The following PFKFB3 variants were observed in gnomAD, a reference collection of about 807,000 sequenced individuals.
PFKFB3 encodes 6-phosphofructo-2-kinase/fructose-2,6-biphosphatase 3.
PFKFB3 carries 33 observed loss-of-function variants against 68.0 expected under a neutral mutation model. The observed-to-expected ratio is 0.49, with a 90% CI of 0.37 to 0.65. PFKFB3 has a LOEUF of 0.65. Among genes scored for constraint, PFKFB3 ranks in the 30% least tolerant of loss-of-function variants. The pLI is 0.00. For missense variants in PFKFB3, 586 were observed against 712.2 expected (o/e 0.82, Z 2.02); for synonymous variants, 315 against 288.2 (o/e 1.09, Z -0.94).
chr10:6,191,718 C>T (rs372736060), intron 1 of PFKFB3, among the ~76,000 whole-genome samples: 1 of 152,212 alleles, frequency 6.6e-6, no homozygotes, highest in South Asian at 2.1e-4. Flanking sequence ...CTCTGGCCCA[C>T]CGCTGTCCAC....
the PFKFB3 span, among the ~76,000 whole-genome samples, chr10:6,273,446 C>T: frequency 2.6e-5 from 4 of 152,066 alleles, no homozygotes; most frequent in Non-Finnish European, 5.9e-5. Context: ...CGGCCCTTTA[C>T]AGTGTATAAA....
At chr10:6,165,425 C>CA (rs1224663081) in intron 1 of PFKFB3, among the ~76,000 whole-genome samples, 2 of 152,186 alleles carry the variant, frequency 1.3e-5, no homozygotes, top group East Asian at 3.8e-4. Context: ...TCTGCATAGA[C>CA]ACAGTAACAA....
chr10:6,315,845 C>G, the PFKFB3 span, among the ~76,000 whole-genome samples: 1 of 152,208 alleles, frequency 6.6e-6, no homozygotes, highest in South Asian at 2.1e-4. Context: ...ATAGGTGATA[C>G]TACATAATAC....
the PFKFB3 span, among the ~76,000 whole-genome samples, chr10:6,297,919 TG>T: frequency 2.5e-4 from 38 of 152,172 alleles, no homozygotes; most frequent in African/African-American, 8.7e-4. Context: ...GATGACTTCC[TG>T]GGGGTATCAG....
chr10:6,229,397 C>T lies in PFKFB3; in HGVS notation c.1515+3032C>T, dbSNP rs1031719388. 5.3e-5 allele frequency among the ~76,000 whole-genome samples: 8 copies of T among 152,210 alleles called. No individual in the cohort carries two copies. The highest frequency in any genetic ancestry group is 1.9e-4 in the African/African-American group (8 of 41,470). On this transcript the variant is annotated intron_variant, in intron 14 of 14. Coordinates refer to ENST00000379775, the MANE Select transcript of PFKFB3 (RefSeq NM_004566.4). This position sits in a 1 kb window ranked among gnomAD's most constrained non-coding sequence, Gnocchi z 4.3. The stretch of plus-strand genomic sequence containing the variant: ...AGGCCCCTTGCTTCAGAAAGCCGGC[C>T]GCCTCCTCTCTGCGGCTTCTGGGAG...
intron 1 of PFKFB3, among the ~76,000 whole-genome samples, chr10:6,178,393 C>G (rs944481786): frequency 1.3e-5 from 2 of 152,152 alleles, no homozygotes; most frequent in African/African-American, 4.8e-5. Flanking sequence ...AACAAGAGAA[C>G]AGCGAAGGAG....
intron 1 of PFKFB3, among the ~76,000 whole-genome samples, chr10:6,178,511 T>A (rs1842599251): frequency 6.6e-6 from 1 of 152,062 alleles, no homozygotes; most frequent in Non-Finnish European, 1.5e-5. Context: ...CAGAGGGGAC[T>A]TGGGTCAGGG....
intron 1 of PFKFB3, among the ~76,000 whole-genome samples, chr10:6,187,723 A>G (rs1842909304): frequency 6.6e-6 from 1 of 152,206 alleles, no homozygotes; most frequent in African/African-American, 2.4e-5. Flanking sequence ...TTTGCTCAGA[A>G]GTGTGCACCT....
chr10:6,314,166 A>G, the PFKFB3 span, among the ~76,000 whole-genome samples: 1 of 152,278 alleles, frequency 6.6e-6, no homozygotes, highest in Non-Finnish European at 1.5e-5. Context: ...AATAATCTAG[A>G]AGCAAAAAGG....
intron 1 of PFKFB3, among the ~76,000 whole-genome samples, chr10:6,175,094 G>A (rs537085196): frequency 2.0e-5 from 3 of 152,304 alleles, no homozygotes; most frequent in Non-Finnish European, 4.4e-5. Context: ...GGTTACAGGC[G>A]TGAGCCAGTG....
intron 2 of PFKFB3, among the ~76,000 whole-genome samples, chr10:6,214,399 G>A (rs768287724): frequency 7.9e-5 from 12 of 152,236 alleles, no homozygotes; most frequent in South Asian, 4.1e-4. Flanking sequence ...TGTCTTCCAC[G>A]AAAGTGGTCC....
At chr10:6,146,130 C>G (rs1841381571) in intron 1 of PFKFB3, 1 of 665,898 alleles carries the variant, frequency 1.5e-6, no homozygotes, top group African/African-American at 2.0e-5. Flanking sequence ...ACGTTGAGGA[C>G]TGGGGGTGTG....
chr10:6,226,455 G>A (rs1845361734), intron 14 of PFKFB3, 90 bp downstream of exon 14: 2 of 1,324,980 alleles, frequency 1.5e-6, no homozygotes, highest in Admixed American at 2.2e-5. Context: ...GTGTTTGCAA[G>A]AATACGTGCG....
At chr10:6,197,592 A>C (rs1019791466) in intron 1 of PFKFB3, 1 of 152,194 alleles carries the variant, frequency 6.6e-6, no homozygotes, top group Non-Finnish European at 1.5e-5. Flanking sequence ...CTTTTGAGAA[A>C]TACACAAAAA....
intron 6 of PFKFB3, 35 bp from the exon 7 acceptor site, chr10:6,219,534 C>A (rs556389515): frequency 1.9e-5 from 30 of 1,612,998 alleles, no homozygotes; most frequent in Middle Eastern, 3.3e-4. Context: ...AGCCTTCCAG[C>A]GTGATTTATC....
At chr10:6,155,248 G>C (rs2131692374) in intron 1 of PFKFB3, among the ~76,000 whole-genome samples, 1 of 139,760 alleles carries the variant, frequency 7.2e-6, no homozygotes, top group Admixed American at 8.2e-5. Context: ...TGTCGCCCAG[G>C]CTGGAGGGCA....
chr10:6,261,048 C>G, the PFKFB3 span, among the ~76,000 whole-genome samples: 135 of 152,366 alleles, frequency 8.9e-4, no homozygotes, highest in African/African-American at 3.1e-3. Context: ...TTCACCATCA[C>G]TTGGTACCAC....
At chr10:6,258,058 G>A (rs1367391900), downstream of PFKFB3, among the ~76,000 whole-genome samples, 4 of 152,128 alleles carry the variant, frequency 2.6e-5, no homozygotes, top group Non-Finnish European at 5.9e-5. Context: ...AGAAGCAGAC[G>A]GCCTGCTTTA....
At chr10:6,211,879 C>T (rs1310416710) in intron 1 of PFKFB3, among the ~76,000 whole-genome samples, 1 of 152,226 alleles carries the variant, frequency 6.6e-6, no homozygotes, top group Non-Finnish European at 1.5e-5. Context: ...CCCGGCATGC[C>T]ATGCCTGCTT....
Sources: gnomAD v4.1 joint callset for allele counts (sites outside exome capture counted in the v4.1 genomes callset) on GRCh38, gnomAD v4.1.1 for gene constraint, Gnocchi (gnomAD v3.1) non-coding constraint, MANE v1.5 for transcripts, NCBI Gene and HGNC (gene_info 2026-07-23, HGNC 2026-07-21) for gene names.